Variants in NADK2 observed in about 807,000 individuals in gnomAD.
The protein encoded by NADK2 is NAD kinase domain-containing protein 1, mitochondrial.
A neutral mutation model predicts 62.1 loss-of-function variants in NADK2; 35 were observed. That is an observed-to-expected ratio of 0.56 (90% confidence interval 0.43 to 0.75). The LOEUF is 0.75. Among genes scored for constraint, NADK2 ranks in the 30% least tolerant of loss-of-function variants. The pLI is 0.00. For synonymous variants in NADK2, 205 were observed against 207.9 expected (o/e 0.99, Z 0.12); for missense variants, 439 against 561.3 (o/e 0.78, Z 2.20).
intron 5 of NADK2, among the ~76,000 whole-genome samples, chr5:36,219,334 G>A (rs968634156): frequency 2.6e-5 from 4 of 151,916 alleles, no homozygotes; most frequent in Admixed American, 6.6e-5. Flanking sequence ...ACTCAGCCCC[G>A]CAAGTAGCTG....
chr5:36,228,928 T>C (rs941633843), intron 1 of NADK2, among the ~76,000 whole-genome samples: 3 of 152,084 alleles, frequency 2.0e-5, no homozygotes, highest in Non-Finnish European at 2.9e-5. Flanking sequence ...CCCAGCCTAA[T>C]ATACAATCTC....
At chr5:36,219,066 T>C (rs1747152135) in intron 5 of NADK2, among the ~76,000 whole-genome samples, 1 of 152,224 alleles carries the variant, frequency 6.6e-6, no homozygotes, top group South Asian at 2.1e-4. Flanking sequence ...CCAACCAATA[T>C]TTGTCAGGGT....
At chr5:36,204,035 TCTTA>T (rs1746544972) in intron 8 of NADK2, among the ~76,000 whole-genome samples, 2 of 152,274 alleles carry the variant, frequency 1.3e-5, no homozygotes, top group African/African-American at 4.8e-5. Context: ...AGGTTCTGAC[TCTTA>T]CTTCTTGTAT....
At chr5:36,197,763 C>T (rs1250392073) in intron 10 of NADK2, 99 bp from the exon 11 acceptor site, 3 of 1,051,110 alleles carry the variant, frequency 2.9e-6, no homozygotes, top group Middle Eastern at 2.6e-4. Context: ...AATTCTGTTC[C>T]AAAAGTATAT....
chr5:36,203,917 CT>C (rs1746539304), intron 8 of NADK2, among the ~76,000 whole-genome samples: 3 of 152,188 alleles, frequency 2.0e-5, no homozygotes, highest in South Asian at 4.2e-4. Flanking sequence ...CTCAGAACCC[CT>C]CTCCCTCTCC....
chr5:36,227,586 C>T (rs760103878), intron 1 of NADK2, 21 bp from the exon 2 acceptor site: 33 of 1,341,680 alleles, frequency 2.5e-5, no homozygotes, highest in Middle Eastern at 1.8e-4. Context: ...ACAAAAGAAA[C>T]GTTGTTTTAC....
At chr5:36,238,401 T>C (rs988393302) in intron 1 of NADK2, among the ~76,000 whole-genome samples, 5 of 152,238 alleles carry the variant, frequency 3.3e-5, no homozygotes, top group African/African-American at 1.2e-4. Context: ...GTAAAAGGGT[T>C]GCCGAGTTGT....
intron 2 of NADK2, 59 bp from the exon 3 acceptor site, chr5:36,226,622 T>G: frequency 8.2e-7 from 1 of 1,225,048 alleles, no homozygotes; most frequent in Non-Finnish European, 1.2e-6. Flanking sequence ...ATAACAGGGG[T>G]ATGTTTTCTG....
At chr5:36,217,196 A>G (rs750599391) in intron 6 of NADK2, among the ~76,000 whole-genome samples, 1 of 152,168 alleles carries the variant, frequency 6.6e-6, no homozygotes, top group African/African-American at 2.4e-5. Flanking sequence ...TTGCATCAAT[A>G]AAGTCCTACA....
At chr5:36,228,139 C>A (rs1479578997) in intron 1 of NADK2, among the ~76,000 whole-genome samples, 1 of 152,168 alleles carries the variant, frequency 6.6e-6, no homozygotes, top group African/African-American at 2.4e-5. Flanking sequence ...GGCTGACTAG[C>A]TCCCTTAGAA....
At position 36,219,615 on chromosome 5, in the gene NADK2, A is replaced by G; in HGVS notation, c.625T>C (p.Phe209Leu). The G allele has an allele frequency of 6.2e-7, 1 of 1,614,010 alleles. No homozygotes were observed. The highest frequency in any genetic ancestry group is 8.5e-7 in the Non-Finnish European group (1 of 1,179,876). Reference sequence around the variant, plus strand: ...TCCTACCTGAACTCACCACGATAGAACTTCTGTAAGGCTTCTGGAAAGGAA... The same window carrying G: ...TCCTACCTGAACTCACCACGATAGAGCTTCTGTAAGGCTTCTGGAAAGGAA... ...THSFPEALQKFYRGEFRWLWR... is the reference protein window; with the variant it reads ...THSFPEALQKLYRGEFRWLWR... Residue 209 changes from phenylalanine to leucine, a missense_variant, in exon 5 of 12, where the codon TTC becomes CTC. Coordinates refer to ENST00000381937, the MANE Select transcript of NADK2 (RefSeq NM_001085411.3).
intron 1 of NADK2, among the ~76,000 whole-genome samples, chr5:36,238,849 T>A (rs114018872): frequency 1.3e-4 from 20 of 152,198 alleles, no homozygotes; most frequent in African/African-American, 4.6e-4. Flanking sequence ...TAAATAAAAG[T>A]CAAAACTTTG....
At position 36,241,547 on chromosome 5, in the gene NADK2, C is replaced by T; in HGVS notation, c.252G>A (p.Gln84=). ...VAKTTRYEFE[Q]QRYRYAELSE... ...AGAGCTCCGCGTAACGGTACCGCTG[C>T]TGCTCGAACTCGTACCGGGTGGTTT... Residue 84 remains glutamine, a synonymous_variant, in exon 1 of 12, where the codon CAG becomes CAA. Coordinates refer to ENST00000381937, the MANE Select transcript of NADK2 (RefSeq NM_001085411.3). The surrounding 1 kb of genome is among the most constrained non-coding windows in gnomAD (Gnocchi z 4.9). 1 of 1,568,262 alleles carries T rather than the reference C, an allele frequency of 6.4e-7. No homozygotes were observed. Among genetic ancestry groups the T allele is most frequent in the Non-Finnish European group, 8.6e-7 (1 of 1,166,288 alleles).
chr5:36,202,469 A>AT (rs1418986815), intron 8 of NADK2, among the ~76,000 whole-genome samples: 1 of 152,124 alleles, frequency 6.6e-6, no homozygotes, highest in Non-Finnish European at 1.5e-5. Context: ...AACTGACAGG[A>AT]TAATGGGACA....
At chr5:36,195,635 T>C (rs1482047708) in intron 11 of NADK2, among the ~76,000 whole-genome samples, 4 of 152,202 alleles carry the variant, frequency 2.6e-5, no homozygotes, top group Admixed American at 6.5e-5. Flanking sequence ...TTTACTTAAG[T>C]ATAACACATA....
In NADK2 at chr5:36,205,258, G is replaced by A. The variant is rs138801276; in HGVS notation, c.956+1912C>T. Among the ~76,000 whole-genome samples the A allele has an allele frequency of 5.4e-3, 819 of 152,140 alleles. 5 individuals carry two copies. Among genetic ancestry groups the A allele is most frequent in the Non-Finnish European group, 5.5e-3 (376 of 67,982 alleles). ...GCTATGAGAAAAAGTGTTAGGGAAG[G>A]ATGAAAATGATTAATTCACTGTCTT... On this transcript the variant is annotated intron_variant, in intron 8 of 11. Coordinates refer to ENST00000381937, the MANE Select transcript of NADK2 (RefSeq NM_001085411.3). This position sits in a 1 kb window ranked among gnomAD's most constrained non-coding sequence, Gnocchi z 4.1.
chr5:36,200,901 A>G (rs1424081797), intron 9 of NADK2, among the ~76,000 whole-genome samples: 1 of 152,062 alleles, frequency 6.6e-6, no homozygotes, highest in East Asian at 1.9e-4. Flanking sequence ...AAAGTTTTCA[A>G]AGAAAAAGGT....
At chr5:36,227,645 C>A in intron 1 of NADK2, 80 bp from the exon 2 acceptor site, 1 of 669,882 alleles carries the variant, frequency 1.5e-6, no homozygotes, top group Non-Finnish European at 2.2e-6. Context: ...TTAAAAGCCC[C>A]GTATAAAATA....
chr5:36,222,764 T>C (rs1747321314), intron 4 of NADK2, among the ~76,000 whole-genome samples: 1 of 152,154 alleles, frequency 6.6e-6, no homozygotes, highest in Non-Finnish European at 1.5e-5. Flanking sequence ...CTGAGCTATT[T>C]TTAGTGGCAG....
Sources: gnomAD v4.1 joint callset for allele counts (sites outside exome capture counted in the v4.1 genomes callset) on GRCh38, gnomAD v4.1.1 for gene constraint, Gnocchi (gnomAD v3.1) non-coding constraint, MANE v1.5 for transcripts, NCBI Gene and HGNC (gene_info 2026-07-23, HGNC 2026-07-21) for gene names.